KHDRBS2: variants seen among roughly 807,000 people sequenced by gnomAD.
KHDRBS2 encodes KH domain-containing, RNA-binding, signal transduction-associated protein 2.
Under a neutral mutation model 44.3 loss-of-function variants are expected in KHDRBS2, and 26 were observed. That is an observed-to-expected ratio of 0.59 (90% CI 0.43 to 0.81). The LOEUF (loss-of-function observed/expected upper bound fraction) is 0.81, where lower values mean the gene tolerates loss of function less well. Ranked by LOEUF, KHDRBS2 falls within the 40% of genes least tolerant of loss-of-function variation. The pLI is 0.00. For missense variants in KHDRBS2, 476 were observed against 433.1 expected (o/e 1.10, Z -0.88); for synonymous variants, 194 against 151.1 (o/e 1.28, Z -2.08).
At chr6:62,261,040 A>T (rs1838250595) in intron 1 of KHDRBS2, among the ~76,000 whole-genome samples, 1 of 151,896 alleles carries the variant, frequency 6.6e-6, no homozygotes, top group Non-Finnish European at 1.5e-5. Flanking sequence ...CTTTTAGACT[A>T]CCAAACAGAC....
At chr6:61,599,505 C>T in the KHDRBS2 span, among the ~76,000 whole-genome samples, 1 of 152,084 alleles carries the variant, frequency 6.6e-6, no homozygotes, top group South Asian at 2.1e-4. Flanking sequence ...AAGAAATAAG[C>T]TAAGATAGTG....
the KHDRBS2 span, among the ~76,000 whole-genome samples, chr6:61,588,221 A>G: frequency 6.6e-6 from 1 of 152,140 alleles, no homozygotes; most frequent in East Asian, 1.9e-4. Flanking sequence ...TAAATTTATA[A>G]ATCTCCATGC....
At chr6:62,075,899 C>A (rs1189483896) in intron 2 of KHDRBS2, among the ~76,000 whole-genome samples, 1 of 150,616 alleles carries the variant, frequency 6.6e-6, no homozygotes, top group Non-Finnish European at 1.5e-5. Flanking sequence ...CTCCCTATCT[C>A]TCTCTCTCTC....
At chr6:62,194,603 G>T (rs1230720913) in intron 1 of KHDRBS2, among the ~76,000 whole-genome samples, 1 of 142,998 alleles carries the variant, frequency 7.0e-6, no homozygotes, top group African/African-American at 2.6e-5. Context: ...CATTTCAAGG[G>T]ATCCTCCTGC....
chr6:62,097,239 G>T (rs1800812967), intron 2 of KHDRBS2, among the ~76,000 whole-genome samples: 1 of 151,650 alleles, frequency 6.6e-6, no homozygotes, highest in Non-Finnish European at 1.5e-5. Flanking sequence ...AGGTCTGTTA[G>T]GTTCACTTGG....
chr6:61,794,785 C>T (rs1432478154), intron 6 of KHDRBS2, among the ~76,000 whole-genome samples: 1 of 151,946 alleles, frequency 6.6e-6, no homozygotes, highest in Non-Finnish European at 1.5e-5. Context: ...TAGTATATCC[C>T]TCAATAATGC....
At chr6:61,708,433 A>G (rs1415617346) in intron 7 of KHDRBS2, among the ~76,000 whole-genome samples, 1 of 151,554 alleles carries the variant, frequency 6.6e-6, no homozygotes, top group East Asian at 1.9e-4. Context: ...TCTGTGCTCA[A>G]ATATCACTGG....
At chr6:62,208,502 T>G (rs1828433655) in intron 1 of KHDRBS2, among the ~76,000 whole-genome samples, 2 of 152,198 alleles carry the variant, frequency 1.3e-5, no homozygotes, top group Admixed American at 1.3e-4. Context: ...TGAGGTAGTT[T>G]CAGTATCTAG....
chr6:61,777,753 A>C (rs1314068112), intron 6 of KHDRBS2, among the ~76,000 whole-genome samples: 1 of 152,170 alleles, frequency 6.6e-6, no homozygotes, highest in Non-Finnish European at 1.5e-5. Context: ...TCTTTCAAAA[A>C]TTCCAGCACT....
intron 6 of KHDRBS2, among the ~76,000 whole-genome samples, chr6:61,771,804 C>A (rs1353591181): frequency 6.6e-6 from 1 of 151,988 alleles, no homozygotes; most frequent in Non-Finnish European, 1.5e-5. Flanking sequence ...CAAGGATAAC[C>A]AGGAATTAGA....
At chr6:61,725,735 C>CTAGGAAGAAATTTCTTCA (rs1201438230) in intron 7 of KHDRBS2, among the ~76,000 whole-genome samples, 4 of 152,032 alleles carry the variant, frequency 2.6e-5, no homozygotes, top group Non-Finnish European at 5.9e-5. Flanking sequence ...CTTCATAAGA[C>CTAGGAAGAAATTTCTTCA]TAAGCTAGGA....
At chr6:62,213,798 C>T (rs1179751602) in intron 1 of KHDRBS2, among the ~76,000 whole-genome samples, 4 of 141,442 alleles carry the variant, frequency 2.8e-5, no homozygotes, top group Non-Finnish European at 4.5e-5. Context: ...GGCGTGAACC[C>T]AGGAGGCGGA....
chr6:61,671,382 A>G, the KHDRBS2 span, among the ~76,000 whole-genome samples: 2 of 151,632 alleles, frequency 1.3e-5, no homozygotes, highest in South Asian at 2.1e-4. Context: ...GTGTTTGGGT[A>G]TAAAGAAAGA....
At chr6:62,169,171 G>GTGTGTATATATACATATACATATACGTA (rs1562991954) in intron 2 of KHDRBS2, among the ~76,000 whole-genome samples, 1 of 134,474 alleles carries the variant, frequency 7.4e-6, no homozygotes, top group African/African-American at 2.8e-5. Flanking sequence ...ACACATATAT[G>GTGTGTATATATACATATACATATACGTA]TATATATGTA....
chr6:61,636,579 T>G, the KHDRBS2 span, among the ~76,000 whole-genome samples: 1 of 152,098 alleles, frequency 6.6e-6, no homozygotes, highest in African/African-American at 2.4e-5. Flanking sequence ...TTTGGCAATG[T>G]CTGGAGACAG....
At chr6:61,959,779 C>T (rs1302640040) in intron 4 of KHDRBS2, among the ~76,000 whole-genome samples, 5 of 152,086 alleles carry the variant, frequency 3.3e-5, no homozygotes, top group African/African-American at 4.8e-5. Context: ...TCACTGGCAG[C>T]CATATTCATA....
chr6:61,955,732 A>ACGCT lies in KHDRBS2; in HGVS notation c.483+22333_483+22334insAGCG, dbSNP rs1554292600. 1.6e-5 allele frequency among the ~76,000 whole-genome samples: 2 copies of ACGCT among 126,208 alleles called. 1 individual carries two copies. Among genetic ancestry groups the ACGCT allele is most frequent in the Non-Finnish European group, 3.7e-5 (2 of 53,754 alleles). The allele number at this position is 126,208 out of a possible 152,430, so 82.8% of individuals were successfully genotyped here. ...CACATATGTATGTATACATATATAG[A>ACGCT]CAGAGAGAGAGGTAGACAGACAGAG... is the stretch of plus-strand genomic sequence containing the variant. On this transcript the variant is annotated intron_variant, in intron 4 of 8. Coordinates refer to ENST00000281156, the MANE Select transcript of KHDRBS2 (RefSeq NM_152688.4).
chr6:61,909,764 C>A (rs531987858), intron 4 of KHDRBS2, among the ~76,000 whole-genome samples: 7 of 152,276 alleles, frequency 4.6e-5, no homozygotes, highest in African/African-American at 1.4e-4. Flanking sequence ...TGGCATTTTG[C>A]CCAAATACAA....
At chr6:61,706,074 C>A (rs565977746) in intron 7 of KHDRBS2, among the ~76,000 whole-genome samples, 1 of 151,918 alleles carries the variant, frequency 6.6e-6, no homozygotes, top group East Asian at 2.0e-4. Flanking sequence ...ATTGGAACTT[C>A]TGTGCTTTAT....
Sources: gnomAD v4.1 joint callset for allele counts (sites outside exome capture counted in the v4.1 genomes callset) on GRCh38, gnomAD v4.1.1 for gene constraint, MANE v1.5 for transcripts, NCBI Gene and HGNC (gene_info 2026-07-23, HGNC 2026-07-21) for gene names.